Variants in RYR2 observed in about 807,000 individuals in gnomAD.
The protein encoded by RYR2 is ryanodine receptor 2.
A neutral mutation model predicts 601.1 loss-of-function variants in RYR2; 227 were observed. That is an observed-to-expected ratio of 0.38 (90% CI 0.34 to 0.42). The LOEUF (loss-of-function observed/expected upper bound fraction) is 0.42. RYR2 is among the 10% of genes least tolerant of loss of function. RYR2 has a pLI of 1.00. For missense variants in RYR2, 4,646 were observed against 6,156.5 expected, an observed-to-expected ratio of 0.75 and a Z score of 8.21; for synonymous variants, 2,223 against 2,175.1, an observed-to-expected ratio of 1.02 and a Z score of -0.61.
At chr1:237,506,078 G>C (rs564237603) in intron 22 of RYR2, among the ~76,000 whole-genome samples, 3 of 152,040 alleles carry the variant, frequency 2.0e-5, no homozygotes, top group East Asian at 1.9e-4. Context: ...AGAGCTTGGG[G>C]ATGATTTCTC....
In RYR2 at chr1:237,726,255, C is replaced by T. The variant is rs775862749; in HGVS notation, c.10690-18C>T. 1 of 1,544,692 alleles carries T rather than the reference C, an allele frequency of 6.5e-7. No individual in the cohort carries two copies. The highest frequency in any genetic ancestry group is 1.2e-5 in the South Asian group (1 of 83,796). On this transcript the variant is annotated intron_variant, in intron 74 of 104. Coordinates refer to ENST00000366574, the MANE Select transcript of RYR2 (RefSeq NM_001035.3). ...AGTTTTACTTTTTTAGCTAACATAA[C>T]ATTTTTATTTCTTTCAGAAGTCTAA...
chr1:237,136,934 T>C (rs1036901847), intron 1 of RYR2, among the ~76,000 whole-genome samples: 6 of 150,334 alleles, frequency 4.0e-5, no homozygotes, highest in African/African-American at 1.5e-4. Flanking sequence ...GGAGAATTGC[T>C]TGAACCAAGG....
chr1:237,622,530 T>C (rs575646462), intron 38 of RYR2, among the ~76,000 whole-genome samples: 3 of 152,206 alleles, frequency 2.0e-5, no homozygotes, highest in Non-Finnish European at 4.4e-5. Context: ...TTGGGTTCTA[T>C]TCTCAAAATA....
intron 29 of RYR2, among the ~76,000 whole-genome samples, chr1:237,572,156 G>T (rs1672765771): frequency 6.6e-6 from 1 of 152,064 alleles, no homozygotes; most frequent in South Asian, 2.1e-4. Flanking sequence ...TCTGATATTG[G>T]TTTTAGGGAT....
At chr1:237,237,481 C>T (rs1685667559) in intron 1 of RYR2, among the ~76,000 whole-genome samples, 1 of 152,138 alleles carries the variant, frequency 6.6e-6, no homozygotes. Flanking sequence ...TTCCGTTACA[C>T]TCTCCTCCCT....
At chr1:237,793,028 T>C (rs913511395) in intron 94 of RYR2, among the ~76,000 whole-genome samples, 2 of 152,202 alleles carry the variant, frequency 1.3e-5, no homozygotes, top group Non-Finnish European at 2.9e-5. Context: ...TCTCTCTGAG[T>C]GCTCAGGGCT....
At chr1:237,553,488 C>T (rs193028054) in intron 27 of RYR2, among the ~76,000 whole-genome samples, 1 of 152,038 alleles carries the variant, frequency 6.6e-6, no homozygotes, top group East Asian at 1.9e-4. Flanking sequence ...AATTTAAAAT[C>T]AGGTAGGGCA....
chr1:237,362,955 C>T (rs1054974914), intron 4 of RYR2, among the ~76,000 whole-genome samples: 7 of 152,106 alleles, frequency 4.6e-5, no homozygotes, highest in Non-Finnish European at 8.8e-5. Context: ...TAGCAGACCT[C>T]GGTCACTTGG....
chr1:237,522,275 A>G lies in RYR2; in HGVS notation c.2823-8152A>G, dbSNP rs192683776. Reference sequence around the variant, plus strand: ...TGGGCCACACATAAAATACACTATAATACTAACAATAGCTGATGAGCTAAA... The same window carrying G: ...TGGGCCACACATAAAATACACTATAGTACTAACAATAGCTGATGAGCTAAA... On this transcript the variant is annotated intron_variant, in intron 24 of 104. Transcript: ENST00000366574. Among the ~76,000 whole-genome samples the G allele has an allele frequency of 1.6e-3, 244 of 152,324 alleles. 1 individual carries two copies. Among genetic ancestry groups the G allele is most frequent in the Admixed American group, 8.4e-3 (128 of 15,304 alleles).
chr1:237,127,520 C>T (rs925452120), intron 1 of RYR2, among the ~76,000 whole-genome samples: 1 of 151,200 alleles, frequency 6.6e-6, no homozygotes, highest in Non-Finnish European at 1.5e-5. Context: ...GGGCTGATGC[C>T]CCCACCTCCC....
Position 237,639,088 on chromosome 1 carries a change from T to C in RYR2, c.7002T>C (p.Ala2334=). Residue 2334 remains alanine, a synonymous_variant, in exon 46 of 105, where the codon GCT becomes GCC. Transcript: ENST00000366574. ...GGAGGCCTGAGTGTTTTGGTCCTGC[T>C]TTGAGAGGAGAAGGTGGGAATGGGC... ...LIRRPECFGP[A]LRGEGGNGLL... The C allele has an allele frequency of 6.2e-7, 1 of 1,613,890 alleles. No individual in the cohort carries two copies. The highest frequency in any genetic ancestry group is 8.5e-7 in the Non-Finnish European group (1 of 1,179,864).
At chr1:237,740,991 C>T (rs1021739953) in intron 79 of RYR2, among the ~76,000 whole-genome samples, 5 of 152,116 alleles carry the variant, frequency 3.3e-5, no homozygotes, top group Non-Finnish European at 5.9e-5. Context: ...ACATGGGAGA[C>T]AGAGCAGCAG....
At chr1:237,161,448 T>G (rs534332293) in intron 1 of RYR2, among the ~76,000 whole-genome samples, 1 of 150,994 alleles carries the variant, frequency 6.6e-6, no homozygotes, top group Non-Finnish European at 1.5e-5. Context: ...ACTAGGAGGG[T>G]TTTTTTAGTT....
chr1:237,770,828 A>T lies in RYR2; in HGVS notation c.11498A>T (p.Asp3833Val), dbSNP rs1172592826. ...EGSGEKVLQDDEFTCDLFRFL... is the reference protein window; with the variant it reads ...EGSGEKVLQDVEFTCDLFRFL... ...ACAGGAGAAAAGGTTCTGCAGGACG[A>T]TGAGTTCACCTGTGACCTCTTCCGA... The change falls in exon 85 of 105, where the codon GAT becomes GTT. Residue 3833 changes from aspartate to valine, a missense_variant. Physicochemically the swap from Asp to Val is radical, Grantham distance 152. Around this residue, in one of 17 missense-constraint regions of RYR2, gnomAD observed 1,497 missense variants for 1,842.6 expected, o/e 0.81. Coordinates refer to ENST00000366574, the MANE Select transcript of RYR2 (RefSeq NM_001035.3). The T allele has an allele frequency of 5.8e-6, 9 of 1,554,240 alleles. No homozygotes were observed. Among genetic ancestry groups the T allele is most frequent in the Non-Finnish European group, 7.8e-6 (9 of 1,147,638 alleles).
intron 16 of RYR2, among the ~76,000 whole-genome samples, chr1:237,463,028 G>A (rs1180616376): frequency 6.6e-6 from 1 of 152,162 alleles, no homozygotes; most frequent in Non-Finnish European, 1.5e-5. Flanking sequence ...AAGTTTCAAT[G>A]CATTATCTTC....
At chr1:237,714,690 T>C (rs1689113198) in intron 71 of RYR2, among the ~76,000 whole-genome samples, 1 of 151,986 alleles carries the variant, frequency 6.6e-6, no homozygotes, top group African/African-American at 2.4e-5. Context: ...GATTGATTGA[T>C]TAAAGAAAGG....
At chr1:237,654,210 A>G in intron 51 of RYR2, 64 bp from the exon 52 acceptor site, 1 of 1,555,216 alleles carries the variant, frequency 6.4e-7, no homozygotes, top group Non-Finnish European at 8.6e-7. Flanking sequence ...ATATGAGGAG[A>G]AATGAAAAAA....
At chr1:237,603,957 C>T (rs1676807307) in intron 35 of RYR2, among the ~76,000 whole-genome samples, 2 of 152,112 alleles carry the variant, frequency 1.3e-5, no homozygotes, top group African/African-American at 4.8e-5. Flanking sequence ...ACTTAGACTC[C>T]CACACAATAA....
chr1:237,831,479 C>G lies in RYR2; in HGVS notation c.14757-35C>G, dbSNP rs370345138. 4.6e-5 allele frequency: 53 copies of G among 1,156,926 alleles called. No homozygotes were observed. The African/African-American group carries it at 6.6e-4, about 14-fold the overall frequency. 71.7% of individuals were successfully genotyped at this position (1,156,926 alleles called of 1,614,324 possible). On this transcript the variant is annotated intron_variant, in intron 103 of 104. Transcript: ENST00000366574. ...CCCTGTTTATCCTAATATTTCCATA[C>G]CGTTCATTTCTGATCAGTTTCTCTG...
Sources: allele counts gnomAD v4.1 joint callset (sites outside exome capture counted in the v4.1 genomes callset), GRCh38; gene constraint gnomAD v4.1.1; regional missense constraint gnomAD v4.1.1; transcripts MANE v1.5; gene names NCBI Gene and HGNC (gene_info 2026-07-23, HGNC 2026-07-21).